The following ATRNL1 variants were observed in gnomAD, a reference collection of about 807,000 sequenced individuals.
ATRNL1 encodes the protein attractin-like protein 1.
Under a neutral mutation model 182.7 loss-of-function variants are expected in ATRNL1, and 95 were observed. The ratio of observed to expected loss-of-function variants is 0.52; its 90% CI spans 0.44 to 0.62. ATRNL1 has a LOEUF of 0.62. Ranked by LOEUF, ATRNL1 falls within the 20% of genes least tolerant of loss-of-function variation. The pLI, the probability that ATRNL1 is intolerant of heterozygous loss-of-function variation, is 0.00. For synonymous variants in ATRNL1, 576 were observed against 568.3 expected (o/e 1.01, Z -0.19); for missense variants, 1,471 against 1,679.5 (o/e 0.88, Z 2.17).
At chr10:115,483,767 T>C (rs1271618668) in intron 24 of ATRNL1, among the ~76,000 whole-genome samples, 3 of 151,724 alleles carry the variant, frequency 2.0e-5, no homozygotes, top group Admixed American at 1.3e-4. Context: ...ATTTTACTTA[T>C]GATTTTTAAA....
intron 26 of ATRNL1, among the ~76,000 whole-genome samples, chr10:115,550,459 T>C (rs1183174124): frequency 6.6e-6 from 1 of 151,792 alleles, no homozygotes; most frequent in Non-Finnish European, 1.5e-5. Flanking sequence ...GTGAGTGATA[T>C]GGGTTCTTCT....
At chr10:115,340,564 C>G (rs558929787) in intron 19 of ATRNL1, among the ~76,000 whole-genome samples, 9 of 144,698 alleles carry the variant, frequency 6.2e-5, no homozygotes, top group African/African-American at 2.1e-4. Context: ...GAAGTATTTC[C>G]TTCTCCTCTA....
In ATRNL1 at chr10:115,321,838, G is replaced by A. The variant is rs150813059; in HGVS notation, c.3037+6102G>A. ...GGGAGTCAAATTGTACCTGTTTGCAGGTTACATAATCTTATATGTAGAAAA... is the reference window on the plus strand; with the variant it reads ...GGGAGTCAAATTGTACCTGTTTGCAAGTTACATAATCTTATATGTAGAAAA... On this transcript the variant is annotated intron_variant, in intron 18 of 28. Transcript: ENST00000355044. 4.9e-3 allele frequency among the ~76,000 whole-genome samples: 751 copies of A among 152,076 alleles called. 4 individuals carry two copies. Among genetic ancestry groups the A allele is most frequent in the African/African-American group, 0.016 (662 of 41,490 alleles).
At chr10:115,862,404 C>A (rs1555103689) in intron 28 of ATRNL1, among the ~76,000 whole-genome samples, 1 of 152,196 alleles carries the variant, frequency 6.6e-6, no homozygotes, top group Admixed American at 6.5e-5. Context: ...GACTTATAGT[C>A]TTGTCACAGC....
chr10:115,466,094 A>G (rs550021035), intron 22 of ATRNL1, among the ~76,000 whole-genome samples: 90 of 151,492 alleles, frequency 5.9e-4, no homozygotes, highest in African/African-American at 2.2e-3. Flanking sequence ...TTCTCCTGCT[A>G]TTCATCAGGG....
chr10:115,851,361 T>A (rs1951052600), intron 28 of ATRNL1, among the ~76,000 whole-genome samples: 1 of 150,394 alleles, frequency 6.6e-6, no homozygotes, highest in Admixed American at 6.6e-5. Flanking sequence ...GCTAGTGATT[T>A]TTTTTTTTTA....
intron 26 of ATRNL1, among the ~76,000 whole-genome samples, chr10:115,707,489 T>G (rs996176126): frequency 1.2e-4 from 18 of 151,866 alleles, no homozygotes; most frequent in African/African-American, 4.1e-4. Context: ...TTAAGTTTAT[T>G]GGCCCTCCCC....
At position 115,093,799 on chromosome 10, in the gene ATRNL1, C is replaced by T; in HGVS notation, c.49C>T (p.Pro17Ser). 1.4e-6 allele frequency: 2 copies of T among 1,468,210 alleles called. No homozygotes were observed. Among genetic ancestry groups the T allele is most frequent in the South Asian group, 1.4e-5 (1 of 72,684 alleles). The allele number at this position is 1,468,210 out of a possible 1,614,324, so 90.9% of individuals were successfully genotyped here. The change falls in exon 1 of 29, where the codon CCG becomes TCG. Residue 17 changes from proline to serine, a missense_variant. Pro to Ser is a moderately conservative substitution (Grantham distance 74). Coordinates refer to ENST00000355044, the MANE Select transcript of ATRNL1 (RefSeq NM_207303.4). The surrounding 1 kb of genome is among the most constrained non-coding windows in gnomAD (Gnocchi z 6.1). ...ARTGTPQPAA[P>S]GVWRARPAGG... is the part of the protein sequence containing the mutation. ...CACTGGTACCCCGCAGCCAGCGGCC[C>T]CGGGGGTGTGGAGGGCTCGGCCGGC...
intron 10 of ATRNL1, among the ~76,000 whole-genome samples, chr10:115,261,270 T>G (rs144016079): frequency 4.3e-4 from 65 of 152,286 alleles, no homozygotes; most frequent in Non-Finnish European, 3.8e-4. Context: ...TGAAATAAAA[T>G]TATTTTTTAG....
At chr10:115,130,275 A>C (rs1845171653) in intron 5 of ATRNL1, among the ~76,000 whole-genome samples, 2 of 152,120 alleles carry the variant, frequency 1.3e-5, no homozygotes, top group African/African-American at 4.8e-5. Context: ...CTGTTGAAAT[A>C]GGGAAATTTG....
chr10:115,249,513 C>T (rs1160934710), intron 10 of ATRNL1, among the ~76,000 whole-genome samples: 5 of 152,002 alleles, frequency 3.3e-5, no homozygotes, highest in Non-Finnish European at 5.9e-5. Flanking sequence ...CTATCCCTCA[C>T]GTGTAAATAG....
intron 28 of ATRNL1, among the ~76,000 whole-genome samples, chr10:115,921,971 C>T (rs1398562666): frequency 6.6e-6 from 1 of 152,110 alleles, no homozygotes; most frequent in African/African-American, 2.4e-5. Context: ...AGTCAGCTTC[C>T]CTGCCTTAGG....
chr10:115,557,874 A>G (rs137881542), intron 26 of ATRNL1, among the ~76,000 whole-genome samples: 2,789 of 152,044 alleles, frequency 0.018, 81 homozygotes, highest in African/African-American at 0.064. Context: ...GTGAAACCCC[A>G]TCTCTGCTAA....
chr10:115,649,617 A>C (rs12265922), intron 26 of ATRNL1, among the ~76,000 whole-genome samples: 1,775 of 152,274 alleles, frequency 0.012, 36 homozygotes, highest in African/African-American at 0.04. Flanking sequence ...GATGGAATTC[A>C]AATGGGGAAA....
intron 24 of ATRNL1, among the ~76,000 whole-genome samples, chr10:115,501,841 A>G (rs1389106980): frequency 1.3e-5 from 2 of 152,172 alleles, no homozygotes; most frequent in African/African-American, 4.8e-5. Flanking sequence ...TCTGCTTGAC[A>G]TTTATGAACA....
At chr10:115,618,005 A>C (rs1857527125) in intron 26 of ATRNL1, among the ~76,000 whole-genome samples, 1 of 152,096 alleles carries the variant, frequency 6.6e-6, no homozygotes, top group Non-Finnish European at 1.5e-5. Flanking sequence ...TGGCCTTTTA[A>C]AAGTGTGTAG....
chr10:115,860,049 T>G (rs1302661376), intron 28 of ATRNL1, among the ~76,000 whole-genome samples: 4 of 152,148 alleles, frequency 2.6e-5, no homozygotes, highest in African/African-American at 9.7e-5. Flanking sequence ...ATCCAAAGCT[T>G]TCATGCAGGT....
intron 20 of ATRNL1, among the ~76,000 whole-genome samples, chr10:115,398,614 A>C (rs532174355): frequency 6.6e-6 from 1 of 152,144 alleles, no homozygotes; most frequent in South Asian, 2.1e-4. Flanking sequence ...GGCCGAGACT[A>C]TGGGGTTTTC....
chr10:115,566,342 AT>A (rs1854076534), intron 26 of ATRNL1, among the ~76,000 whole-genome samples: 1 of 152,182 alleles, frequency 6.6e-6, no homozygotes, highest in Non-Finnish European at 1.5e-5. Flanking sequence ...GATGTGGACA[AT>A]TTATTATTAC....
Sources: allele counts gnomAD v4.1 joint callset (sites outside exome capture counted in the v4.1 genomes callset), GRCh38; gene constraint gnomAD v4.1.1; non-coding constraint Gnocchi (gnomAD v3.1); transcripts MANE v1.5; gene names NCBI Gene and HGNC (gene_info 2026-07-23, HGNC 2026-07-21).